The following PTPRR variants were observed in gnomAD, a reference collection of about 807,000 sequenced individuals.
PTPRR encodes the protein protein tyrosine phosphatase receptor type R.
PTPRR carries 38 observed loss-of-function variants against 77.2 expected under a neutral mutation model. That is an observed-to-expected ratio of 0.49 (90% CI 0.38 to 0.65). PTPRR has a LOEUF of 0.65. Ranked by LOEUF, PTPRR falls within the 30% of genes least tolerant of loss-of-function variation. The pLI, the probability that PTPRR is intolerant of heterozygous loss-of-function variation, is 0.00. For missense variants in PTPRR, 744 were observed against 799.2 expected, an observed-to-expected ratio of 0.93 and a Z score of 0.83; for synonymous variants, 299 against 283.1, an observed-to-expected ratio of 1.06 and a Z score of -0.57.
At chr12:70,672,470 T>A in intron 10 of PTPRR, 1 of 1,121,340 alleles carries the variant, frequency 8.9e-7, no homozygotes, top group Non-Finnish European at 1.4e-6. Context: ...GTGGCTGGCT[T>A]CACTGCGGCT....
At chr12:70,886,361 G>A (rs1893239648) in intron 2 of PTPRR, among the ~76,000 whole-genome samples, 1 of 152,208 alleles carries the variant, frequency 6.6e-6, no homozygotes, top group South Asian at 2.1e-4. Context: ...TTAATAGGAA[G>A]CATTAACATT....
chr12:70,671,072 C>T (rs936787993), intron 10 of PTPRR, among the ~76,000 whole-genome samples: 1 of 152,184 alleles, frequency 6.6e-6, no homozygotes, highest in African/African-American at 2.4e-5. Context: ...ATAACTCCAT[C>T]TCCATATGTT....
intron 3 of PTPRR, among the ~76,000 whole-genome samples, chr12:70,762,556 T>C (rs1057466653): frequency 6.6e-6 from 1 of 152,222 alleles, no homozygotes; most frequent in Admixed American, 6.5e-5. Flanking sequence ...AACTAAATAC[T>C]GATGTGAAAC....
intron 4 of PTPRR, chr12:70,754,710 T>C (rs1172068936): frequency 6.3e-7 from 1 of 1,591,754 alleles, no homozygotes. Context: ...ACTACCTCTT[T>C]ACTTTTAAAC....
intron 2 of PTPRR, among the ~76,000 whole-genome samples, chr12:70,865,171 C>T (rs1592801182): frequency 6.6e-6 from 1 of 152,134 alleles, no homozygotes. Flanking sequence ...TTCTCTCTTG[C>T]CTGTCGCCAT....
chr12:70,679,596 C>T (rs1011426362), intron 10 of PTPRR, among the ~76,000 whole-genome samples: 2 of 151,946 alleles, frequency 1.3e-5, no homozygotes, highest in Non-Finnish European at 2.9e-5. Context: ...TACATATTTA[C>T]AATTTTTTTT....
At chr12:70,672,487 G>GT in intron 10 of PTPRR, 1 of 1,166,622 alleles carries the variant, frequency 8.6e-7, no homozygotes, top group Middle Eastern at 2.0e-4. Context: ...GGCTCATAAC[G>GT]TGAGTGCTCA....
chr12:70,885,087 G>A (rs1017798655), intron 2 of PTPRR, among the ~76,000 whole-genome samples: 4 of 151,620 alleles, frequency 2.6e-5, no homozygotes, highest in South Asian at 4.2e-4. Context: ...TACATAATTT[G>A]CCCAAATGAA....
chr12:70,880,256 C>CT (rs1162815854), intron 2 of PTPRR, among the ~76,000 whole-genome samples: 11 of 151,816 alleles, frequency 7.2e-5, no homozygotes, highest in South Asian at 2.1e-4. Flanking sequence ...ATGAGTATCA[C>CT]TTTTTTTTAT....
At chr12:70,736,919 G>A (rs1039749516) in intron 6 of PTPRR, among the ~76,000 whole-genome samples, 5 of 152,164 alleles carry the variant, frequency 3.3e-5, no homozygotes, top group Admixed American at 2.0e-4. Flanking sequence ...GCTCTGCTGC[G>A]ACCTTTGGCA....
chr12:70,770,730 C>T lies in PTPRR; in HGVS notation c.358-5952G>A, dbSNP rs532330352. ...CATAGGTTTATTGCGGCACAATTCA[C>T]AATAGCAAAGACTTGGAACCACCCA... On this transcript the variant is annotated intron_variant, in intron 2 of 13. Coordinates refer to ENST00000283228, the MANE Select transcript of PTPRR (RefSeq NM_002849.4). Among the ~76,000 whole-genome samples the T allele has an allele frequency of 9.2e-5, 14 of 152,210 alleles. No homozygotes were observed. In the South Asian group the frequency reaches 2.9e-3, roughly 32 times the overall value.
chr12:70,841,284 C>T (rs76816295), intron 2 of PTPRR, among the ~76,000 whole-genome samples: 45 of 152,178 alleles, frequency 3.0e-4, no homozygotes, highest in East Asian at 2.7e-3. Flanking sequence ...TACAGCTTCT[C>T]GGTATGCTAA....
At chr12:70,690,795 CTCTT>C (rs1398213154) in intron 8 of PTPRR, among the ~76,000 whole-genome samples, 2 of 152,180 alleles carry the variant, frequency 1.3e-5, no homozygotes, top group African/African-American at 2.4e-5. Flanking sequence ...AGTTGAAAGA[CTCTT>C]TGTGGACTAA....
At chr12:70,651,344 T>A (rs969072330) in intron 13 of PTPRR, among the ~76,000 whole-genome samples, 1 of 152,196 alleles carries the variant, frequency 6.6e-6, no homozygotes, top group African/African-American at 2.4e-5. Context: ...CCATCTCCCA[T>A]CTCCAGATTC....
intron 2 of PTPRR, among the ~76,000 whole-genome samples, chr12:70,786,916 T>A (rs981569443): frequency 1.3e-5 from 2 of 152,212 alleles, no homozygotes; most frequent in African/African-American, 4.8e-5. Flanking sequence ...TTCTGCATGG[T>A]TAAAATGAAT....
rs546796819 is a variant in PTPRR at position 70,912,520 on chromosome 12, T to C, written c.58+7813A>G. On this transcript the variant is annotated intron_variant, in intron 1 of 13. Transcript: ENST00000283228. Reference sequence around the variant, plus strand: ...AATAGAAATAGGAAAAAATAATTCATGTCCCCAATGAACTTGGCATTTGCT... The same window carrying C: ...AATAGAAATAGGAAAAAATAATTCACGTCCCCAATGAACTTGGCATTTGCT... Among the ~76,000 whole-genome samples the C allele has an allele frequency of 2.6e-5, 4 of 152,318 alleles. No individual in the cohort carries two copies. In the South Asian group the frequency reaches 6.2e-4, roughly 24 times the overall value.
At chr12:70,889,435 C>T (rs543068016) in intron 2 of PTPRR, among the ~76,000 whole-genome samples, 20 of 152,194 alleles carry the variant, frequency 1.3e-4, no homozygotes, top group Non-Finnish European at 2.2e-4. Flanking sequence ...GCCATAAACC[C>T]GAGTTTAGAA....
At position 70,745,866 on chromosome 12, in the gene PTPRR, G is replaced by A. The variant is rs753782110; in HGVS notation, c.959C>T (p.Ser320Phe). The A allele has an allele frequency of 6.2e-7, 1 of 1,613,976 alleles. No homozygotes were observed. Among genetic ancestry groups the A allele is most frequent in the African/African-American group, 1.3e-5 (1 of 74,890 alleles). The change falls in exon 6 of 14, where the codon TCT (serine) becomes TTT (phenylalanine). Residue 320 changes from serine to phenylalanine, a missense_variant. Ser to Phe is a radical substitution (Grantham distance 155, BLOSUM62 -2). Around this residue, in one of 3 missense-constraint regions of PTPRR, gnomAD observed 570 missense variants for 573.2 expected, o/e 0.99. Transcript: ENST00000283228. ...APEIKATTAT[S>F]VCPSPFKMKP... is the part of the protein sequence containing the mutation. Reference sequence around the variant, plus strand: ...CATTTTGAAAGGAGAAGGGCAAACAGAGGTAGCGGTGGTAGCTTTGATCTC... The same window carrying A: ...CATTTTGAAAGGAGAAGGGCAAACAAAGGTAGCGGTGGTAGCTTTGATCTC...
chr12:70,905,624 G>A (rs1893609964), intron 1 of PTPRR, among the ~76,000 whole-genome samples: 1 of 151,874 alleles, frequency 6.6e-6, no homozygotes, highest in Non-Finnish European at 1.5e-5. Flanking sequence ...TTTAACAAAG[G>A]AAAGAGAAAT....
Sources: allele counts gnomAD v4.1 joint callset (sites outside exome capture counted in the v4.1 genomes callset), GRCh38; gene constraint gnomAD v4.1.1; regional missense constraint gnomAD v4.1.1; transcripts MANE v1.5; gene names NCBI Gene and HGNC (gene_info 2026-07-23, HGNC 2026-07-21).